Variants in NDST4 observed in about 807,000 individuals in gnomAD.
The protein encoded by NDST4 is N-deacetylase and N-sulfotransferase 4.
In NDST4, 63 loss-of-function variants were observed where a neutral mutation model predicts 100.8. The ratio of observed to expected loss-of-function variants is 0.62; its 90% CI spans 0.51 to 0.77. The LOEUF is 0.77. Ranked by LOEUF, NDST4 falls within the 30% of genes least tolerant of loss-of-function variation. NDST4 has a pLI of 0.00. For synonymous variants in NDST4, 377 were observed against 361.8 expected, an observed-to-expected ratio of 1.04 and a Z score of -0.48; for missense variants, 943 against 1,018.4, an observed-to-expected ratio of 0.93 and a Z score of 1.01.
chr4:114,851,291 T>C (rs1165238876), intron 8 of NDST4, among the ~76,000 whole-genome samples: 1 of 152,214 alleles, frequency 6.6e-6, no homozygotes, highest in Non-Finnish European at 1.5e-5. Context: ...ACAATTGGAT[T>C]TTAAGAATTA....
intron 1 of NDST4, among the ~76,000 whole-genome samples, chr4:115,092,495 G>T (rs1159000913): frequency 6.6e-6 from 1 of 152,064 alleles, no homozygotes; most frequent in Non-Finnish European, 1.5e-5. Context: ...ATGAACGTGA[G>T]TATAGAATAC....
intron 2 of NDST4, among the ~76,000 whole-genome samples, chr4:115,012,035 A>G (rs1560858389): frequency 1.3e-5 from 2 of 151,898 alleles, no homozygotes; most frequent in Admixed American, 6.6e-5. Context: ...TGAATAAAGT[A>G]AGAGAGGATT....
intron 6 of NDST4, among the ~76,000 whole-genome samples, chr4:114,924,311 G>A (rs1474916362): frequency 1.3e-5 from 2 of 152,108 alleles, no homozygotes; most frequent in East Asian, 3.9e-4. Context: ...ATCATACGTT[G>A]TAAGTCCATG....
At chr4:115,015,272 C>G (rs537364954) in intron 2 of NDST4, among the ~76,000 whole-genome samples, 121 of 152,216 alleles carry the variant, frequency 7.9e-4, no homozygotes, top group African/African-American at 2.3e-3. Context: ...AAAGAAGACT[C>G]ATGCCAGGTT....
intron 8 of NDST4, among the ~76,000 whole-genome samples, chr4:114,850,334 C>T (rs1407612835): frequency 6.6e-6 from 1 of 152,112 alleles, no homozygotes; most frequent in Non-Finnish European, 1.5e-5. Context: ...CCTTTATGTT[C>T]TGCACACATA....
chr4:115,061,392 G>A (rs1320019694), intron 2 of NDST4, among the ~76,000 whole-genome samples: 1 of 152,104 alleles, frequency 6.6e-6, no homozygotes, highest in African/African-American at 2.4e-5. Flanking sequence ...ATCAGTGATA[G>A]GCTGGATAAA....
chr4:114,970,787 G>A (rs1726496222), intron 3 of NDST4, among the ~76,000 whole-genome samples: 1 of 152,070 alleles, frequency 6.6e-6, no homozygotes, highest in Admixed American at 6.6e-5. Flanking sequence ...AGTAGGCATG[G>A]CTGGCACCAG....
At chr4:114,897,610 G>A (rs1284740702) in intron 6 of NDST4, among the ~76,000 whole-genome samples, 1 of 152,030 alleles carries the variant, frequency 6.6e-6, no homozygotes, top group Non-Finnish European at 1.5e-5. Context: ...ATGATTGCTG[G>A]GTCTTATGGC....
At position 114,833,675 on chromosome 4, in the gene NDST4, G is replaced by A. The variant is rs140482377; in HGVS notation, c.2327C>T (p.Ala776Val). Reference sequence around the variant, plus strand: ...CTTCTGGACTTCATCCATCACAGTAGCTGGGTCAGATCTCAGCTGCTGTCC... The same window carrying A: ...CTTCTGGACTTCATCCATCACAGTAACTGGGTCAGATCTCAGCTGCTGTCC... ...IDGQQLRSDP[A>V]TVMDEVQKFL... The change falls in exon 12 of 14, where the codon GCT (alanine) becomes GTT (valine). Residue 776 changes from alanine to valine, a missense_variant. This residue lies in a region of NDST4 where 526 missense variants were observed against 634.1 expected (regional missense o/e 0.83). Coordinates refer to ENST00000264363, the MANE Select transcript of NDST4 (RefSeq NM_022569.3). 4.8e-5 allele frequency: 77 copies of A among 1,612,806 alleles called. No homozygotes were observed. In the Middle Eastern group the frequency reaches 1.5e-3, roughly 31 times the overall value.
intron 6 of NDST4, among the ~76,000 whole-genome samples, chr4:114,894,139 T>C (rs1724662484): frequency 6.6e-6 from 1 of 152,214 alleles, no homozygotes; most frequent in Non-Finnish European, 1.5e-5. Flanking sequence ...TTTGTTACTG[T>C]AGCCTTGTAG....
chr4:115,104,574 A>G lies in NDST4; in HGVS notation c.-247+8870T>C, dbSNP rs144130019. Among the ~76,000 whole-genome samples, 186 of 152,190 alleles carry G rather than the reference A, an allele frequency of 1.2e-3. 2 individuals carry two copies. Among genetic ancestry groups the G allele is most frequent in the African/African-American group, 4.3e-3 (179 of 41,552 alleles). ...GCGTGACAGAAAATAGAGGAAAACT[A>G]TTTGGCCCCTTTTTCTAACATTTTT... On this transcript the variant is annotated intron_variant, in intron 1 of 13. Coordinates refer to ENST00000264363, the MANE Select transcript of NDST4 (RefSeq NM_022569.3).
chr4:115,026,440 CA>C (rs1727986603), intron 2 of NDST4, among the ~76,000 whole-genome samples: 1 of 151,540 alleles, frequency 6.6e-6, no homozygotes, highest in African/African-American at 2.4e-5. Flanking sequence ...TACACACACA[CA>C]CACACACACA....
At position 115,016,079 on chromosome 4, in the gene NDST4, A is replaced by T. The variant is rs1578455673; in HGVS notation, c.979-38805T>A. On this transcript the variant is annotated intron_variant, in intron 2 of 13. Transcript: ENST00000264363. ...CTTTTAGAATGCCTTATTTATAGTC[A>T]TGTTAATCCATCAATTATTGCTTCC... 2.0e-5 allele frequency among the ~76,000 whole-genome samples: 3 copies of T among 152,190 alleles called. No homozygotes were observed. In the South Asian group the frequency reaches 6.2e-4, roughly 32 times the overall value.
rs1281647267 is a variant in NDST4 at position 114,916,534 on chromosome 4, CTCTG to C, written c.1536+18668_1536+18671del. Among the ~76,000 whole-genome samples, 459 of 123,434 alleles carry C rather than the reference CTCTG, an allele frequency of 3.7e-3. 5 individuals carry two copies. The highest frequency in any genetic ancestry group is 0.014 in the African/African-American group (420 of 30,000). The allele number at this position is 123,434 out of a possible 152,430, so 81.0% of individuals were successfully genotyped here. A position where few individuals can be genotyped will look rare whatever the true frequency, so the allele number is the denominator to read the frequency against. The stretch of plus-strand genomic sequence containing the variant: ...TCAGATGTCACATTGTCCTGGTAGG[CTCTG>C]TGTGTGTGTGTGTGTGTGTGTGTGT... On this transcript the variant is annotated intron_variant, in intron 6 of 13. Transcript: ENST00000264363.
chr4:115,034,587 GAT>G (rs1728192896), intron 2 of NDST4, among the ~76,000 whole-genome samples: 1 of 152,042 alleles, frequency 6.6e-6, no homozygotes, highest in Admixed American at 6.6e-5. Context: ...TTGCTTTAAA[GAT>G]ATATGTTTAC....
intron 10 of NDST4, among the ~76,000 whole-genome samples, chr4:114,844,344 C>T (rs1311242016): frequency 5.9e-5 from 9 of 152,332 alleles, no homozygotes; most frequent in African/African-American, 1.9e-4. Context: ...AGTTGCTCAA[C>T]AAATGGCAGC....
At chr4:115,003,873 A>T (rs1727353970) in intron 2 of NDST4, among the ~76,000 whole-genome samples, 1 of 152,124 alleles carries the variant, frequency 6.6e-6, no homozygotes, top group African/African-American at 2.4e-5. Context: ...GTCTCAAAAA[A>T]AAAAAAGTTA....
chr4:114,913,327 A>G (rs940563337), intron 6 of NDST4, among the ~76,000 whole-genome samples: 1 of 152,020 alleles, frequency 6.6e-6, no homozygotes, highest in African/African-American at 2.4e-5. Flanking sequence ...AAAACTTGGG[A>G]CATGAAAAAA....
intron 2 of NDST4, among the ~76,000 whole-genome samples, chr4:115,061,923 C>T (rs1342883246): frequency 4.0e-5 from 6 of 151,872 alleles, no homozygotes; most frequent in Non-Finnish European, 5.9e-5. Flanking sequence ...AAAAAAGTGA[C>T]ACTTCATTAG....
Sources: gnomAD v4.1 joint callset for allele counts (sites outside exome capture counted in the v4.1 genomes callset) on GRCh38, gnomAD v4.1.1 for gene constraint, gnomAD v4.1.1 regional missense constraint, MANE v1.5 for transcripts, NCBI Gene and HGNC (gene_info 2026-07-23, HGNC 2026-07-21) for gene names.